The following GABRA3 variants were observed in gnomAD, a reference collection of about 807,000 sequenced individuals.
GABRA3 encodes the protein gamma-aminobutyric acid receptor subunit alpha-3.
A neutral mutation model predicts 30.1 loss-of-function variants in GABRA3; 10 were observed. The observed-to-expected ratio is 0.33, with a 90% confidence interval of 0.20 to 0.56. The LOEUF is 0.56. Among genes scored for constraint, GABRA3 ranks in the 20% least tolerant of loss-of-function variants. The probability of loss-of-function intolerance (pLI) is 0.89; values close to 1 mark genes in which losing one functional copy is unlikely to be tolerated. For synonymous variants in GABRA3, 151 were observed against 146.8 expected (o/e 1.03, Z -0.21); for missense variants, 233 against 392.0 (o/e 0.59, Z 3.42).
intron 6 of GABRA3, among the ~76,000 whole-genome samples, chrX:152,212,761 T>C (rs945814753): frequency 8.9e-6 from 1 of 111,843 alleles, no homozygotes; most frequent in Non-Finnish European, 1.9e-5. Context: ...TTTAAAAAGA[T>C]TCTACATGAT....
intron 1 of GABRA3, among the ~76,000 whole-genome samples, chrX:152,373,273 T>C (rs1201110122): frequency 1.8e-5 from 2 of 111,873 alleles, no homozygotes; most frequent in African/African-American, 6.5e-5. Context: ...GTATTCTTGA[T>C]GCTCTTCTTC....
chrX:152,391,801 T>C, intron 1 of GABRA3, among the ~76,000 whole-genome samples: 1 of 111,569 alleles, frequency 9.0e-6, no homozygotes, highest in Non-Finnish European at 1.9e-5. Context: ...CCACCACCAG[T>C]AATTTAGCAT....
At chrX:152,433,553 C>A in intron 1 of GABRA3, among the ~76,000 whole-genome samples, 1 of 109,008 alleles carries the variant, frequency 9.2e-6, no homozygotes, top group East Asian at 2.9e-4. Context: ...GTAGTTACAG[C>A]ATTAAATCTT....
chrX:152,207,645 A>T (rs904044855), intron 7 of GABRA3, among the ~76,000 whole-genome samples: 14 of 111,786 alleles, frequency 1.3e-4, no homozygotes, highest in Non-Finnish European at 2.6e-4. Context: ...TTTTAATGAA[A>T]TCTTTAGGAA....
chrX:152,229,115 C>T (rs1466792539), intron 5 of GABRA3, among the ~76,000 whole-genome samples: 1 of 111,375 alleles, frequency 9.0e-6, no homozygotes, highest in Non-Finnish European at 1.9e-5. Flanking sequence ...CCTTTTCCAA[C>T]CTTTCTCCCT....
chrX:152,373,426 G>T (rs1434021661), intron 1 of GABRA3, among the ~76,000 whole-genome samples: 2 of 111,467 alleles, frequency 1.8e-5, no homozygotes, highest in African/African-American at 6.5e-5. Flanking sequence ...GGGTCAAATG[G>T]TATTTCTGTT....
intron 3 of GABRA3, among the ~76,000 whole-genome samples, chrX:152,344,905 G>T (rs1040538921): frequency 1.8e-5 from 2 of 111,357 alleles, no homozygotes; most frequent in Non-Finnish European, 3.8e-5. Flanking sequence ...ATTTGAATAT[G>T]GACTACAGAT....
chrX:152,310,742 A>G (rs1198819484), intron 3 of GABRA3, among the ~76,000 whole-genome samples: 1 of 111,692 alleles, frequency 9.0e-6, no homozygotes, highest in African/African-American at 3.3e-5. Context: ...CGAGATTAAA[A>G]AAAACATTCA....
intron 5 of GABRA3, among the ~76,000 whole-genome samples, chrX:152,233,314 T>C (rs748718249): frequency 8.1e-4 from 90 of 111,380 alleles, no homozygotes; most frequent in African/African-American, 2.7e-3. Context: ...TTAGTTTAAT[T>C]AGATCCCATT....
intron 7 of GABRA3, 42 bp from the exon 8 acceptor site, chrX:152,197,827 C>T (rs199569362): frequency 1.2e-5 from 13 of 1,066,041 alleles, no homozygotes; most frequent in African/African-American, 5.5e-5. Context: ...GCTACATAAA[C>T]ATTGCTAAAT....
chrX:152,172,010 C>T lies in GABRA3; in HGVS notation c.1144-3447G>A, dbSNP rs1288290096. Among the ~76,000 whole-genome samples, 6 of 111,737 alleles carry T rather than the reference C, an allele frequency of 5.4e-5. No homozygotes were observed. The East Asian group carries it at 1.7e-3, about 32-fold the overall frequency. The stretch of plus-strand genomic sequence containing the variant: ...ACATGGTCCAGTGCCTCTGTGTCAA[C>T]CCCCTTGCAGGTGCTCAGCTTTTCT... On this transcript the variant is annotated intron_variant, in intron 9 of 9. Transcript: ENST00000370314.
At chrX:152,295,077 G>A (rs1327714292) in intron 3 of GABRA3, among the ~76,000 whole-genome samples, 1 of 111,801 alleles carries the variant, frequency 8.9e-6, no homozygotes, top group Non-Finnish European at 1.9e-5. Flanking sequence ...CTTCATACCA[G>A]AGGGTTACCC....
chrX:152,345,189 T>C (rs749481562), intron 3 of GABRA3, among the ~76,000 whole-genome samples: 20 of 111,350 alleles, frequency 1.8e-4, no homozygotes, highest in African/African-American at 6.2e-4. Context: ...TTGTCTAACC[T>C]TGAGGGAGAG....
At chrX:152,322,603 G>A (rs1344880777) in intron 3 of GABRA3, among the ~76,000 whole-genome samples, 10 of 107,012 alleles carry the variant, frequency 9.3e-5, no homozygotes, top group East Asian at 2.9e-4. Context: ...GCACGATCTC[G>A]GCTCATTGAA....
rs946814089 is a variant in GABRA3, at chrX:152,379,504, A to T, written c.-26-14908T>A. Among the ~76,000 whole-genome samples, 6 of 111,225 alleles carry T rather than the reference A, an allele frequency of 5.4e-5. No individual in the cohort carries two copies. The East Asian group carries it at 8.4e-4, about 16-fold the overall frequency. On this transcript the variant is annotated intron_variant, in intron 1 of 9. Coordinates refer to ENST00000370314, the MANE Select transcript of GABRA3 (RefSeq NM_000808.4). The stretch of plus-strand genomic sequence containing the variant: ...TTAAACACGTATATTAAAAAGATTT[A>T]AAAAAAAGTAATGAGCTAAGCACCT...
chrX:152,195,870 C>A (rs985825178), intron 8 of GABRA3, among the ~76,000 whole-genome samples: 1 of 111,169 alleles, frequency 9.0e-6, no homozygotes, highest in African/African-American at 3.3e-5. Context: ...ATATGGGTAT[C>A]TTTGGGGACC....
intron 3 of GABRA3, among the ~76,000 whole-genome samples, chrX:152,315,309 C>T (rs189574802): frequency 2.4e-4 from 27 of 111,092 alleles, no homozygotes; most frequent in South Asian, 7.7e-4. Context: ...TAGAGAGCCA[C>T]GCAAAATACA....
At chrX:152,449,524 G>A (rs1203831655) in intron 1 of GABRA3, among the ~76,000 whole-genome samples, 1 of 111,706 alleles carries the variant, frequency 9.0e-6, no homozygotes, top group African/African-American at 3.3e-5. Flanking sequence ...TATAAAAAGT[G>A]AAGTACGATT....
chrX:152,355,334 A>G lies in GABRA3; in HGVS notation c.140+9097T>C, dbSNP rs1940534092. ...CCCCGTTCTCCTTTCTAGAAGGCTA[A>G]TTTTTATGCACTACATTATGGGCGC... On this transcript the variant is annotated intron_variant, in intron 2 of 9. Coordinates refer to ENST00000370314, the MANE Select transcript of GABRA3 (RefSeq NM_000808.4). Among the ~76,000 whole-genome samples the G allele has an allele frequency of 4.5e-5, 5 of 111,236 alleles. No homozygotes were observed. The Admixed American group carries it at 4.8e-4, about 11-fold the overall frequency.
Sources: allele counts gnomAD v4.1 joint callset (sites outside exome capture counted in the v4.1 genomes callset), GRCh38; gene constraint gnomAD v4.1.1; transcripts MANE v1.5; gene names NCBI Gene and HGNC (gene_info 2026-07-23, HGNC 2026-07-21).